Variants in KCTD1 observed in about 807,000 individuals in gnomAD.
KCTD1 encodes potassium channel tetramerization domain containing 1.
KCTD1 carries 24 observed loss-of-function variants against 66.0 expected under a neutral mutation model. That is an observed-to-expected ratio of 0.36 (90% CI 0.26 to 0.51). The LOEUF is 0.51. KCTD1 is among the 20% of genes least tolerant of loss of function. The pLI, the probability that KCTD1 is intolerant of heterozygous loss-of-function variation, is 0.95. For missense variants in KCTD1, 943 were observed against 1,205.2 expected (o/e 0.78, Z 3.22); for synonymous variants, 511 against 517.2 (o/e 0.99, Z 0.16).
chr18:26,647,331 A>ACC (rs56004377), intron 1 of KCTD1, among the ~76,000 whole-genome samples: 56,543 of 114,906 alleles, frequency 0.49, 12,273 homozygotes, highest in South Asian at 0.68. Context: ...AGATAGTGAA[A>ACC]CCCCCCCCCC....
At chr18:26,629,281 T>C, upstream of KCTD1, 1 of 857,084 alleles carries the variant, frequency 1.2e-6, no homozygotes, top group Non-Finnish European at 1.4e-6. Context: ...CCCATGACCT[T>C]AGCCTCTGCC....
intron 2 of KCTD1, among the ~76,000 whole-genome samples, chr18:26,493,531 C>T (rs1187181242): frequency 4.6e-5 from 7 of 152,092 alleles, no homozygotes; most frequent in East Asian, 1.9e-4. Flanking sequence ...CTAGATCTCA[C>T]GCTTCCATCT....
At chr18:26,502,724 G>A (rs1398523679) in intron 1 of KCTD1, among the ~76,000 whole-genome samples, 2 of 152,094 alleles carry the variant, frequency 1.3e-5, no homozygotes, top group East Asian at 3.8e-4. Flanking sequence ...GATGACACAC[G>A]TATACTCTCA....
chr18:26,503,625 C>T (rs73399580), intron 1 of KCTD1, among the ~76,000 whole-genome samples: 1,713 of 152,064 alleles, frequency 0.011, 33 homozygotes, highest in African/African-American at 0.04. Flanking sequence ...GGTGCTCAGG[C>T]GAAAATGAAC....
At chr18:26,603,035 T>C (rs1986931945) in intron 1 of KCTD1, among the ~76,000 whole-genome samples, 1 of 152,154 alleles carries the variant, frequency 6.6e-6, no homozygotes, top group Admixed American at 6.5e-5. Context: ...GAGAGGCCTA[T>C]TCAATAAATG....
upstream of KCTD1, among the ~76,000 whole-genome samples, chr18:26,630,295 A>G (rs372211411): frequency 1.2e-4 from 18 of 152,272 alleles, 1 homozygote; most frequent in South Asian, 3.5e-3. Context: ...TAATTTTATT[A>G]AGTCTTGACC....
At chr18:26,548,647 TCTTAA>T, upstream of KCTD1, 1 of 1,099,782 alleles carries the variant, frequency 9.1e-7, no homozygotes, top group Non-Finnish European at 1.1e-6. Context: ...AAAGCCGGGC[TCTTAA>T]AGGAGCCGCG....
intron 1 of KCTD1, among the ~76,000 whole-genome samples, chr18:26,601,498 A>G (rs1451733488): frequency 1.1e-4 from 16 of 152,134 alleles, no homozygotes; most frequent in Admixed American, 1.0e-3. Context: ...TCTTAAATTG[A>G]GGAAAGTGTG....
At chr18:26,651,272 A>G (rs1988026594) in intron 1 of KCTD1, among the ~76,000 whole-genome samples, 1 of 152,260 alleles carries the variant, frequency 6.6e-6, no homozygotes. Context: ...TGTCCTGGAC[A>G]GAAAGGACTA....
At chr18:26,612,410 A>G (rs892309728) in intron 1 of KCTD1, among the ~76,000 whole-genome samples, 2 of 152,176 alleles carry the variant, frequency 1.3e-5, no homozygotes, top group Non-Finnish European at 2.9e-5. Context: ...CAGGGTCTTT[A>G]TTGAGATAAT....
At chr18:26,617,337 G>C (rs12457229) in intron 1 of KCTD1, among the ~76,000 whole-genome samples, 149 of 152,328 alleles carry the variant, frequency 9.8e-4, no homozygotes, top group East Asian at 7.7e-3. Context: ...CAGCCAAGAG[G>C]AATGTATGCT....
chr18:26,625,961 G>A (rs1044120307), intron 1 of KCTD1, among the ~76,000 whole-genome samples: 1 of 152,066 alleles, frequency 6.6e-6, no homozygotes. Context: ...GAGTGTATTT[G>A]GGACTTCTGA....
upstream of KCTD1, among the ~76,000 whole-genome samples, chr18:26,643,834 T>A (rs185403117): frequency 1.3e-5 from 2 of 151,996 alleles, no homozygotes; most frequent in Non-Finnish European, 2.9e-5. Flanking sequence ...TGGTGGCGGG[T>A]GCCTGTAGTC....
At chr18:26,505,230 G>T (rs900134185) in intron 1 of KCTD1, among the ~76,000 whole-genome samples, 1 of 152,224 alleles carries the variant, frequency 6.6e-6, no homozygotes, top group Non-Finnish European at 1.5e-5. Flanking sequence ...GCCTTCTGTC[G>T]TTCATCATCG....
In KCTD1 at chr18:26,555,354, G is replaced by A. The variant is rs368770766; in HGVS notation, c.-15-54104C>T. Among the ~76,000 whole-genome samples, 114 of 152,286 alleles carry A rather than the reference G, an allele frequency of 7.5e-4. 4 individuals are homozygous for A. The highest frequency in any genetic ancestry group is 2.7e-3 in the African/African-American group (111 of 41,556). ...ACAGGAAAATCGCTTGAACCTGGGA[G>A]GCGAAGGTTGCAATGAGCCGAGATT... On this transcript the variant is annotated intron_variant, in intron 1 of 4. Transcript: ENST00000317932.
Position 26,547,409 on chromosome 18 carries a change from G to C in KCTD1, c.1128C>G (p.Pro376=). Reference sequence around the variant, plus strand: ...ACTCGGTGCCCGTCTCATACATGCGGGGCAAGTTCTCCTCGTCGCTGCTCT... The same window carrying C: ...ACTCGGTGCCCGTCTCATACATGCGCGGCAAGTTCTCCTCGTCGCTGCTCT... ...RAESSDEENL[P]RMYETGTEFC... is the part of the protein sequence containing the mutation. Residue 376 remains proline, a synonymous_variant, in exon 1 of 5, where the codon CCC becomes CCG. Coordinates refer to ENST00000580059, the MANE Select transcript of KCTD1 (RefSeq NM_001142730.3). The C allele has an allele frequency of 1.9e-6, 3 of 1,551,292 alleles. No individual in the cohort carries two copies. The highest frequency in any genetic ancestry group is 2.4e-5 in the East Asian group (1 of 40,896).
chr18:26,605,744 C>CTATG (rs1423411517), intron 1 of KCTD1, among the ~76,000 whole-genome samples: 8 of 140,882 alleles, frequency 5.7e-5, no homozygotes, highest in Non-Finnish European at 3.0e-5. Flanking sequence ...ATCTATCTAT[C>CTATG]TATCTATCTA....
intron 1 of KCTD1, among the ~76,000 whole-genome samples, chr18:26,638,318 C>G (rs1171265534): frequency 6.6e-6 from 1 of 152,058 alleles, no homozygotes; most frequent in Non-Finnish European, 1.5e-5. Context: ...TTTTATTTAT[C>G]TCCCACCAAA....
chr18:26,490,904 T>C lies in KCTD1; in HGVS notation c.1988+10168A>G, dbSNP rs529285294. Among the ~76,000 whole-genome samples, 474 of 151,972 alleles carry C rather than the reference T, an allele frequency of 3.1e-3. 3 individuals are homozygous for C. Among genetic ancestry groups the C allele is most frequent in the African/African-American group, 9.8e-3 (405 of 41,434 alleles). ...AGTAGCTGGGACTACAGGTGCATGC[T>C]ACCATGCCCAGCTAATTTTTGTATT... On this transcript the variant is annotated intron_variant, in intron 2 of 4. Transcript: ENST00000580059.
Sources: gnomAD v4.1 joint callset for allele counts (sites outside exome capture counted in the v4.1 genomes callset) on GRCh38, gnomAD v4.1.1 for gene constraint, MANE v1.5 for transcripts, NCBI Gene and HGNC (gene_info 2026-07-23, HGNC 2026-07-21) for gene names.